The following GPR35 variants were observed in gnomAD, a reference collection of about 807,000 sequenced individuals.
GPR35 encodes the protein KYNA receptor.
For synonymous variants in GPR35, 207 were observed against 198.4 expected (o/e 1.04, Z -0.36); for missense variants, 372 against 422.5 (o/e 0.88, Z 1.05).
At chr2:240,621,841 A>AT, upstream of GPR35, among the ~76,000 whole-genome samples, 1 of 152,200 alleles carries the variant, frequency 6.6e-6, no homozygotes, top group African/African-American at 2.4e-5. Context: ...AGACTAAGCT[A>AT]AACTGTGCCT....
At chr2:240,609,986 G>A (rs961098379) in intron 2 of GPR35, among the ~76,000 whole-genome samples, 1 of 149,878 alleles carries the variant, frequency 6.7e-6, no homozygotes, top group African/African-American at 2.5e-5. Flanking sequence ...TTGAGATGGA[G>A]TCTCGCTCTG....
upstream of GPR35, among the ~76,000 whole-genome samples, chr2:240,623,603 G>A (rs1388936629): frequency 6.6e-6 from 1 of 152,154 alleles, no homozygotes; most frequent in Non-Finnish European, 1.5e-5. Context: ...GGCAAGGCCT[G>A]CCTGAGTGGG....
rs1185650616 is a variant in GPR35 at position 240,631,999 on chromosome 2, G to A, written c.*1117G>A. On this transcript the variant is annotated 3_prime_UTR_variant, in exon 2 of 2. Coordinates refer to ENST00000407714, the MANE Select transcript of GPR35 (RefSeq NM_005301.5). Reference sequence around the variant, plus strand: ...GGCTCCGGAGGGCCCATGCCCAGGAGAGCCCCATAAGGGCTCTGTGCCTAA... The same window carrying A: ...GGCTCCGGAGGGCCCATGCCCAGGAAAGCCCCATAAGGGCTCTGTGCCTAA... Among the ~76,000 whole-genome samples the A allele has an allele frequency of 9.9e-6, 1 of 101,484 alleles. No individual in the cohort carries two copies. The highest frequency in any genetic ancestry group is 4.3e-4 in the East Asian group (1 of 2,330). The allele number at this position is 101,484 out of a possible 152,430, so 66.6% of individuals were successfully genotyped here.
At chr2:240,621,096 C>T (rs554111295), upstream of GPR35, among the ~76,000 whole-genome samples, 9 of 152,282 alleles carry the variant, frequency 5.9e-5, no homozygotes, top group South Asian at 6.2e-4. Flanking sequence ...CATCCTCTCT[C>T]GGGGTCCACA....
In GPR35 at chr2:240,616,352, G is replaced by A. The variant is rs534876840; in HGVS notation, c.-576-36G>A. 9.4e-5 allele frequency: 70 copies of A among 742,378 alleles called. 1 individual carries two copies. The South Asian group carries it at 9.5e-4, about 10-fold the overall frequency. 46.0% of individuals were successfully genotyped at this position (742,378 alleles called of 1,614,324 possible). A position where few individuals can be genotyped will look rare whatever the true frequency, so the allele number is the denominator to read the frequency against. ...GACATACCTGTTGGGTTCTTAGTTGGCAGCTTCCTCCTCCGTCTCTCTATT... is the reference window on the plus strand; with the variant it reads ...GACATACCTGTTGGGTTCTTAGTTGACAGCTTCCTCCTCCGTCTCTCTATT... On this transcript the variant is annotated intron_variant, in intron 2 of 5. Transcript: ENST00000319838.
chr2:240,629,936 T>G lies in GPR35; in HGVS notation c.-4-13T>G, dbSNP rs1283154136. Reference sequence around the variant, plus strand: ...CACTCTCTGCTGACCTCCGGCTCCCTGTGCTGCCCCAGGACCATGAATGGC... The same window carrying G: ...CACTCTCTGCTGACCTCCGGCTCCCGGTGCTGCCCCAGGACCATGAATGGC... On this transcript the variant is annotated splice_polypyrimidine_tract_variant and intron_variant, in intron 1 of 1. Coordinates refer to ENST00000407714, the MANE Select transcript of GPR35 (RefSeq NM_005301.5). 1.3e-6 allele frequency: 2 copies of G among 1,586,618 alleles called. No individual in the cohort carries two copies. Among genetic ancestry groups the G allele is most frequent in the African/African-American group, 2.7e-5 (2 of 74,514 alleles).
intron 2 of GPR35, among the ~76,000 whole-genome samples, chr2:240,614,075 G>A (rs4676412): frequency 0.8 from 121,249 of 151,622 alleles, 48,615 homozygotes; most frequent in East Asian, 0.97. Flanking sequence ...CATGCCTCAT[G>A]TGGACCCGAA....
At chr2:240,616,503 C>T in exon 3 of GPR35, 1 of 780,046 alleles carries the variant, frequency 1.3e-6, no homozygotes. Context: ...GATACTTCAC[C>T]AGATTCAGGT....
At chr2:240,626,381 C>G (rs796966909) in intron 1 of GPR35, among the ~76,000 whole-genome samples, 1,573 of 34,128 alleles carry the variant, frequency 0.046, 1 homozygote, top group Middle Eastern at 0.16. Flanking sequence ...GGGTGAGGCT[C>G]TGATGGGGTC....
intron 2 of GPR35, chr2:240,616,261 C>T: frequency 1.6e-6 from 1 of 632,034 alleles, no homozygotes; most frequent in Non-Finnish European, 2.8e-6. Context: ...TTCCATTGGG[C>T]TCGTGGTCCC....
At chr2:240,621,549 A>G (rs547519327), upstream of GPR35, among the ~76,000 whole-genome samples, 29 of 152,336 alleles carry the variant, frequency 1.9e-4, 1 homozygote, top group African/African-American at 7.0e-4. Context: ...CACTGCACCC[A>G]GCCAATGTGT....
chr2:240,617,351 C>G, exon 4 of GPR35: 1 of 673,242 alleles, frequency 1.5e-6, no homozygotes, highest in Non-Finnish European at 2.8e-6. Flanking sequence ...CCCACAGGAA[C>G]TGGGAGATAA....
At chr2:240,623,325 AGGGCGCAAACAGGTCG>A (rs1559437466), upstream of GPR35, among the ~76,000 whole-genome samples, 2 of 140,006 alleles carry the variant, frequency 1.4e-5, no homozygotes, top group Non-Finnish European at 3.1e-5. Context: ...ACAGGTCGTG[AGGGCGCAAACAGGTCG>A]TGAGGGCGCA....
upstream of GPR35, among the ~76,000 whole-genome samples, chr2:240,624,816 G>A (rs964345984): frequency 3.3e-5 from 5 of 152,280 alleles, no homozygotes; most frequent in South Asian, 4.1e-4. Context: ...TGAGGAGTTG[G>A]GGGCCAGGGA....
In GPR35 at chr2:240,625,536, A is replaced by G. The variant is rs2043358450; in HGVS notation, c.-37A>G. 1 of 985,778 alleles carries G rather than the reference A, an allele frequency of 1.0e-6. No individual in the cohort carries two copies. Among genetic ancestry groups the G allele is most frequent in the Non-Finnish European group, 1.2e-6 (1 of 830,328 alleles). The allele number at this position is 985,778 out of a possible 1,614,324, so 61.1% of individuals were successfully genotyped here. ...TGCAGGCTTTGGCAGCGGGGGTCAC[A>G]CACTCCACCCGGGAGGCCAAAGCTG... On this transcript the variant is annotated 5_prime_UTR_variant, in exon 1 of 2. Transcript: ENST00000407714.
At chr2:240,615,154 C>T (rs929599113) in intron 2 of GPR35, among the ~76,000 whole-genome samples, 7 of 151,990 alleles carry the variant, frequency 4.6e-5, no homozygotes, top group African/African-American at 9.7e-5. Context: ...CGTGGACAGG[C>T]GAGGGAGAAG....
chr2:240,616,630 G>A (rs1422022723), intron 3 of GPR35: 16 of 676,158 alleles, frequency 2.4e-5, no homozygotes, highest in Non-Finnish European at 4.3e-5. Flanking sequence ...GATCACGAAT[G>A]TGGCAGGAAG....
intron 2 of GPR35, among the ~76,000 whole-genome samples, chr2:240,611,680 A>G (rs1052258412): frequency 1.3e-5 from 2 of 152,168 alleles, no homozygotes; most frequent in African/African-American, 4.8e-5. Flanking sequence ...GGGCTGGATG[A>G]TGTGGTCAGT....
At chr2:240,607,690 T>G (rs907363223) in intron 2 of GPR35, among the ~76,000 whole-genome samples, 13 of 152,222 alleles carry the variant, frequency 8.5e-5, no homozygotes, top group Admixed American at 4.6e-4. Flanking sequence ...CCTGTAACCT[T>G]GATAATGCAT....
Sources: allele counts gnomAD v4.1 joint callset (sites outside exome capture counted in the v4.1 genomes callset), GRCh38; gene constraint gnomAD v4.1.1; transcripts MANE v1.5; gene names NCBI Gene and HGNC (gene_info 2026-07-23, HGNC 2026-07-21).